The following HSD17B14 variants were observed in gnomAD, a reference collection of about 807,000 sequenced individuals.
HSD17B14 encodes hydroxysteroid 17-beta dehydrogenase 14, also known as L-fucose dehydrogenase.
A neutral mutation model predicts 32.2 loss-of-function variants in HSD17B14; 32 were observed. The ratio of observed to expected loss-of-function variants is 0.99; its 90% CI spans 0.75 to 1.33. The LOEUF is 1.33. Ranked by LOEUF, HSD17B14 falls within the 40% of genes most tolerant of loss-of-function variation. The pLI is 0.00. For missense variants in HSD17B14, 370 were observed against 366.5 expected (o/e 1.01, Z -0.08); for synonymous variants, 140 against 155.4 (o/e 0.90, Z 0.74).
intron 5 of HSD17B14, among the ~76,000 whole-genome samples, chr19:48,822,368 ATGC>A (rs2035171704): frequency 1.4e-5 from 2 of 142,454 alleles, no homozygotes. Context: ...AATGATGGTG[ATGC>A]TGATGTTGTT....
At chr19:48,817,184 G>GTTTTGT (rs2035071954) in intron 5 of HSD17B14, among the ~76,000 whole-genome samples, 1 of 147,618 alleles carries the variant, frequency 6.8e-6, no homozygotes, top group South Asian at 2.2e-4. Context: ...AATATTTTTT[G>GTTTTGT]TTTTATTTTT....
At chr19:48,830,979 C>T (rs1353418437) in intron 5 of HSD17B14, among the ~76,000 whole-genome samples, 1 of 152,016 alleles carries the variant, frequency 6.6e-6, no homozygotes, top group Non-Finnish European at 1.5e-5. Flanking sequence ...GCTGGGACTA[C>T]AAGGGCACCA....
At chr19:48,814,366 C>A (rs2035015922) in intron 6 of HSD17B14, among the ~76,000 whole-genome samples, 1 of 150,788 alleles carries the variant, frequency 6.6e-6, no homozygotes, top group Non-Finnish European at 1.5e-5. Flanking sequence ...CTAAAAAATA[C>A]AAAAATCTAG....
chr19:48,813,229 G>T lies in HSD17B14; in HGVS notation c.759C>A (p.Tyr253Ter). ...LLVTGGAELGYGCKASRSTPV... is the reference protein window; with the variant it reads ...LLVTGGAELG ...GGGTGCTCCGACTGGCCTTGCACCC[G>T]TACCCCAGCTCTGCACCCCCCGTCA... The change falls in exon 9 of 9, where the codon TAC (tyrosine) becomes TAA (stop). Residue 253 changes from tyrosine (Y) to a stop codon, truncating the protein, a stop_gained. Coordinates refer to ENST00000263278, the MANE Select transcript of HSD17B14 (RefSeq NM_016246.3). LOFTEE classifies it low-confidence loss of function (END_TRUNC). 1.2e-6 allele frequency: 2 copies of T among 1,611,064 alleles called. No individual in the cohort carries two copies. The highest frequency in any genetic ancestry group is 1.7e-6 in the Non-Finnish European group (2 of 1,178,924).
intron 5 of HSD17B14, among the ~76,000 whole-genome samples, chr19:48,826,542 T>TATACACACAC: frequency 1.3e-3 from 104 of 80,102 alleles, no homozygotes; most frequent in African/African-American, 4.8e-3. Flanking sequence ...TATATATATA[T>TATACACACAC]ACACACACAC....
chr19:48,833,826 TAA>T (rs55633542), intron 3 of HSD17B14, among the ~76,000 whole-genome samples: 2 of 110,372 alleles, frequency 1.8e-5, no homozygotes, highest in Non-Finnish European at 3.8e-5. Context: ...AACTCTGTCT[TAA>T]AAAAAAAAAA....
intron 5 of HSD17B14, among the ~76,000 whole-genome samples, chr19:48,831,271 T>C (rs1260886524): frequency 6.6e-6 from 1 of 152,198 alleles, no homozygotes; most frequent in East Asian, 1.9e-4. Context: ...CCTTTTGGAA[T>C]AAGGAGATTA....
At chr19:48,836,279 T>G in intron 1 of HSD17B14, 45 bp downstream of exon 1, 1 of 1,549,166 alleles carries the variant, frequency 6.5e-7, no homozygotes, top group Non-Finnish European at 8.9e-7. Context: ...CCCCCATCCT[T>G]CCTTTCTCAC....
Position 48,813,747 on chromosome 19 carries a change from G to C in HSD17B14, c.475-17C>G, listed in dbSNP as rs375354399. On this transcript the variant is annotated splice_polypyrimidine_tract_variant and intron_variant, in intron 6 of 8. Transcript: ENST00000263278. Reference sequence around the variant, plus strand: ...TACTGCCCCCTGCAGGAAATGGAGCGGGGAAGAAAGTTCAGTCCCCGGGAC... The same window carrying C: ...TACTGCCCCCTGCAGGAAATGGAGCCGGGAAGAAAGTTCAGTCCCCGGGAC... The C allele has an allele frequency of 1.2e-6, 2 of 1,614,064 alleles. No homozygotes were observed. The highest frequency in any genetic ancestry group is 3.3e-5 in the Admixed American group (2 of 60,014).
At chr19:48,833,582 T>C (rs1356161000) in intron 3 of HSD17B14, among the ~76,000 whole-genome samples, 1 of 151,824 alleles carries the variant, frequency 6.6e-6, no homozygotes, top group East Asian at 1.9e-4. Context: ...ATCCCAGCAC[T>C]TTGGGAGGCT....
intron 5 of HSD17B14, among the ~76,000 whole-genome samples, chr19:48,828,947 A>C (rs994529284): frequency 6.6e-6 from 1 of 151,930 alleles, no homozygotes; most frequent in Non-Finnish European, 1.5e-5. Context: ...CTATAATCCC[A>C]GCCACTAGGG....
At chr19:48,835,259 G>C (rs555308196) in intron 2 of HSD17B14, among the ~76,000 whole-genome samples, 23 of 56,466 alleles carry the variant, frequency 4.1e-4, no homozygotes, top group African/African-American at 3.3e-3. Flanking sequence ...GGGAGGAGGG[G>C]CTGGGGGCCT....
intron 5 of HSD17B14, among the ~76,000 whole-genome samples, chr19:48,820,455 G>A (rs572184807): frequency 2.0e-5 from 3 of 151,860 alleles, no homozygotes; most frequent in Admixed American, 6.6e-5. Context: ...GGGTGAAAGA[G>A]TGAGACACCA....
rs2035030369 is a variant in HSD17B14 at position 48,815,130 on chromosome 19, G to A, written c.381C>T (p.Pro127=). Reference sequence around the variant, plus strand: ...CATTCCCTTGACTCTTCCGCAGGTAGGGGAGGGCGAGCTAGGGAGACAAGA... The same window carrying A: ...CATTCCCTTGACTCTTCCGCAGGTAAGGGAGGGCGAGCTAGGGAGACAAGA... ...GTYTLTKLAL[P]YLRKSQGNVI... The change falls in exon 6 of 9, where the codon CCC becomes CCT. Residue 127 remains proline, a synonymous_variant. Transcript: ENST00000263278. 6.2e-7 allele frequency: 1 copy of A among 1,613,652 alleles called. No homozygotes were observed. The highest frequency in any genetic ancestry group is 8.5e-7 in the Non-Finnish European group (1 of 1,179,820).
intron 4 of HSD17B14, 150 bp downstream of exon 4, chr19:48,832,516 C>T: frequency 1.4e-6 from 1 of 711,132 alleles, no homozygotes; most frequent in African/African-American, 1.8e-5. Context: ...GCCTGGGGGG[C>T]TTCCATTGCT....
chr19:48,830,683 A>G (rs1299381922), intron 5 of HSD17B14, among the ~76,000 whole-genome samples: 1 of 151,880 alleles, frequency 6.6e-6, no homozygotes, highest in African/African-American at 2.4e-5. Context: ...CACCATGCTC[A>G]GGTAATTTCC....
intron 3 of HSD17B14, 133 bp downstream of exon 3, chr19:48,834,143 G>A (rs1055747990): frequency 7.2e-6 from 5 of 696,504 alleles, no homozygotes; most frequent in African/African-American, 5.3e-5. Context: ...GACACTGGGT[G>A]GAAACCTTTG....
intron 5 of HSD17B14, among the ~76,000 whole-genome samples, chr19:48,831,390 C>G (rs909825096): frequency 6.6e-6 from 1 of 151,938 alleles, no homozygotes; most frequent in African/African-American, 2.4e-5. Context: ...GCATAGCTAC[C>G]AAAAATTATG....
At chr19:48,822,678 G>A (rs374593677) in intron 5 of HSD17B14, among the ~76,000 whole-genome samples, 1 of 151,614 alleles carries the variant, frequency 6.6e-6, no homozygotes, top group African/African-American at 2.4e-5. Flanking sequence ...GATGATGGTG[G>A]TGATGATGGT....
Sources: gnomAD v4.1 joint callset for allele counts (sites outside exome capture counted in the v4.1 genomes callset) on GRCh38, gnomAD v4.1.1 for gene constraint, MANE v1.5 for transcripts, NCBI Gene and HGNC (gene_info 2026-07-23, HGNC 2026-07-21) for gene names.